Variants in F8 observed in about 807,000 individuals in gnomAD.
F8 encodes the protein antihemophilic factor.
Under a neutral mutation model 140.6 loss-of-function variants are expected in F8, and 12 were observed. That is an observed-to-expected ratio of 0.09 (90% confidence interval 0.05 to 0.14). F8 has a LOEUF of 0.14. Ranked by LOEUF, F8 falls within the 10% of genes least tolerant of loss-of-function variation. F8 has a pLI of 1.00. For missense variants in F8, 1,354 were observed against 1,720.7 expected (o/e 0.79, Z 3.77); for synonymous variants, 585 against 614.6 (o/e 0.95, Z 0.71).
chrX:154,962,726 C>T (rs180673284), intron 9 of F8, among the ~76,000 whole-genome samples: 2 of 110,767 alleles, frequency 1.8e-5, no homozygotes, highest in East Asian at 5.7e-4. Context: ...ATTAGCTAGG[C>T]GTGGTGGTGC....
chrX:154,912,124 A>G (rs1471666756), intron 14 of F8, among the ~76,000 whole-genome samples: 3 of 112,135 alleles, frequency 2.7e-5, no homozygotes, highest in Admixed American at 9.4e-5. Flanking sequence ...TATAGTTTGC[A>G]AATATTTCAT....
Position 154,984,269 on chromosome X carries a change from T to G in F8, c.787+418A>C, listed in dbSNP as rs781868660. On this transcript the variant is annotated intron_variant, in intron 6 of 25. Transcript: ENST00000360256. ...ACTGGAAGGCATCTTATTGTTACTT[T>G]ATTGATGCAGTATCTTCTTGAATCT... is the stretch of plus-strand genomic sequence containing the variant. Among the ~76,000 whole-genome samples, 8 of 112,057 alleles carry G rather than the reference T, an allele frequency of 7.1e-5. No homozygotes were observed. The South Asian group carries it at 3.0e-3, about 42-fold the overall frequency.
At chrX:154,932,450 T>C (rs2073203161) in intron 13 of F8, among the ~76,000 whole-genome samples, 1 of 111,876 alleles carries the variant, frequency 8.9e-6, no homozygotes, top group African/African-American at 3.3e-5. Context: ...GATACACCTT[T>C]ACCAAGCTAC....
rs1557278667 is a variant in F8, at chrX:154,930,444, A to G, written c.3346T>C (p.Phe1116Leu). 1.7e-6 allele frequency: 2 copies of G among 1,211,431 alleles called. No individual in the cohort carries two copies. The highest frequency in any genetic ancestry group is 2.2e-6 in the Non-Finnish European group (2 of 895,163). ...GATTCTGGCAAGAATAGCATCTTAA[A>G]GAACGACATATCTGGATTTTGTGCA... ...PDAQNPDMSF[F>L]KMLFLPESAR... The change falls in exon 14 of 26, where the codon TTT (phenylalanine) becomes CTT (leucine). Residue 1116 changes from phenylalanine to leucine, a missense_variant. Phe to Leu is a conservative substitution (Grantham distance 22). Transcript: ENST00000360256.
chrX:154,917,888 AG>A (rs2073106438), intron 14 of F8, among the ~76,000 whole-genome samples: 5 of 111,840 alleles, frequency 4.5e-5, no homozygotes, highest in African/African-American at 1.6e-4. Flanking sequence ...TATTGATTTG[AG>A]AGCTACAATT....
chrX:154,947,786 A>G lies in F8; in HGVS notation c.2025T>C (p.Tyr675=). ...TDFLSVFFSG[Y]TFKHKMVYED... is the part of the protein sequence containing the mutation. ...CATAGACCATTTTGTGTTTGAAGGT[A>G]TATCCAGAGAAGAAGACAGAAAGGA... The change falls in exon 13 of 26, where the codon TAT becomes TAC. Residue 675 remains tyrosine (Y), a synonymous_variant. Coordinates refer to ENST00000360256, the MANE Select transcript of F8 (RefSeq NM_000132.4). The G allele has an allele frequency of 8.3e-7, 1 of 1,209,506 alleles. No homozygotes were observed. The highest frequency in any genetic ancestry group is 1.1e-6 in the Non-Finnish European group (1 of 893,367).
intron 22 of F8, among the ~76,000 whole-genome samples, chrX:154,876,150 C>T (rs372409267): frequency 2.3e-4 from 22 of 94,731 alleles, no homozygotes; most frequent in South Asian, 1.6e-3. Flanking sequence ...GACGGAGTCT[C>T]GCTCTGTCGC....
chrX:154,922,817 G>T (rs1448287946), intron 14 of F8, among the ~76,000 whole-genome samples: 1 of 111,826 alleles, frequency 8.9e-6, no homozygotes, highest in Non-Finnish European at 1.9e-5. Flanking sequence ...CAGAGAGGTT[G>T]CAGAGGGTCA....
chrX:155,019,766 A>ACT (rs1557287332), intron 1 of F8, among the ~76,000 whole-genome samples: 3 of 110,992 alleles, frequency 2.7e-5, no homozygotes, highest in Non-Finnish European at 5.7e-5. Flanking sequence ...ACTGCACTCC[A>ACT]GCCTGGGTGA....
rs781786650 is a variant in F8 at position 154,957,148 on chromosome X, G to A, written c.1561C>T (p.Pro521Ser). The change falls in exon 11 of 26, where the codon CCA becomes TCA. Residue 521 changes from proline to serine, a missense_variant. Physicochemically the swap from Pro to Ser is moderately conservative, Grantham distance 74. Coordinates refer to ENST00000360256, the MANE Select transcript of F8 (RefSeq NM_000132.4). ...PKGVKHLKDF[P>S]ILPGEIFKYK... ...TTGAATATTTCTCCTGGCAGAATTG[G>A]AAAATCCTTCAAATGTTTTACACCT... 2 of 1,209,970 alleles carry A rather than the reference G, an allele frequency of 1.7e-6. No homozygotes were observed. The highest frequency in any genetic ancestry group is 2.2e-6 in the Non-Finnish European group (2 of 894,484).
At chrX:155,022,088 G>A (rs1445634873) in intron 1 of F8, among the ~76,000 whole-genome samples, 3 of 111,587 alleles carry the variant, frequency 2.7e-5, no homozygotes, top group Non-Finnish European at 3.8e-5. Flanking sequence ...ATGGAAGCTT[G>A]GGCAGGCAGA....
At chrX:154,980,400 T>C (rs782316327) in intron 6 of F8, among the ~76,000 whole-genome samples, 2 of 111,976 alleles carry the variant, frequency 1.8e-5, no homozygotes, top group Non-Finnish European at 3.8e-5. Flanking sequence ...AACTTCTGAA[T>C]TGTTTCTCTG....
At chrX:154,838,330 C>T (rs1277415511) in intron 25 of F8, among the ~76,000 whole-genome samples, 1 of 111,504 alleles carries the variant, frequency 9.0e-6, no homozygotes, top group African/African-American at 3.3e-5. Context: ...GAGCAAAGGT[C>T]ACCTATAACT....
In F8 at chrX:154,896,144, A is replaced by G. The variant is rs2072977768; in HGVS notation, c.6362T>C (p.Ile2121Thr). The G allele has an allele frequency of 8.3e-7, 1 of 1,209,701 alleles. No individual in the cohort carries two copies. Among genetic ancestry groups the G allele is most frequent in the Non-Finnish European group, 1.1e-6 (1 of 893,685 alleles). The change falls in exon 22 of 26, where the codon ATC becomes ACC. Residue 2121 changes from isoleucine (I) to threonine (T), a missense_variant. Physicochemically the swap from Ile to Thr is moderately conservative, Grantham distance 89 (BLOSUM62 -1). Transcript: ENST00000360256. ...KFSSLYISQFIIMYSLDGKKW... is the reference protein window; with the variant it reads ...KFSSLYISQFTIMYSLDGKKW... The stretch of plus-strand genomic sequence containing the variant: ...CTTCCCATCAAGACTATACATGATG[A>G]TAAACTGAGAGATGTAGAGGCTGGA...
intron 13 of F8, among the ~76,000 whole-genome samples, chrX:154,939,374 C>T (rs2073243710): frequency 1.8e-5 from 2 of 112,783 alleles, no homozygotes; most frequent in Admixed American, 9.3e-5. Context: ...TTATATCCTG[C>T]ACCTGGCTCA....
rs1283904825 is a variant in F8, at chrX:154,998,105, C to T, written c.266-1010G>A. ...TTTATGTGAGATCTCCCTTTTCTTG[C>T]ACTTTGGTTGATCCCAAATCTTTTC... is the stretch of plus-strand genomic sequence containing the variant. On this transcript the variant is annotated intron_variant, in intron 2 of 25. Coordinates refer to ENST00000360256, the MANE Select transcript of F8 (RefSeq NM_000132.4). 2.2e-4 allele frequency among the ~76,000 whole-genome samples: 25 copies of T among 112,619 alleles called. 1 individual carries two copies. Among genetic ancestry groups the T allele is most frequent in the Admixed American group, 2.2e-3 (23 of 10,680 alleles).
At chrX:154,982,644 TA>T (rs2073535506) in intron 6 of F8, among the ~76,000 whole-genome samples, 1 of 110,402 alleles carries the variant, frequency 9.1e-6, no homozygotes, top group South Asian at 3.8e-4. Flanking sequence ...TAAACAAACG[TA>T]AAGATCCAGT....
chrX:154,961,069 A>G lies in F8; in HGVS notation c.1537+6T>C. On this transcript the variant is annotated splice_donor_region_variant and intron_variant, in intron 10 of 25. Transcript: ENST00000360256. Reference sequence around the variant, plus strand: ...AAAAAGAGCTATAAATCGAGGGAATATTTACCTTTTGGTAATCTCCTTGAA... The same window carrying G: ...AAAAAGAGCTATAAATCGAGGGAATGTTTACCTTTTGGTAATCTCCTTGAA... 1 of 1,148,207 alleles carries G rather than the reference A, an allele frequency of 8.7e-7. No homozygotes were observed. The highest frequency in any genetic ancestry group is 1.2e-6 in the Non-Finnish European group (1 of 837,493). 94.6% of individuals were successfully genotyped at this position (1,148,207 alleles called of 1,213,427 possible). A position where few individuals can be genotyped will look rare whatever the true frequency, so the allele number is the denominator to read the frequency against.
chrX:154,879,205 A>G, intron 22 of F8, among the ~76,000 whole-genome samples: 1 of 112,218 alleles, frequency 8.9e-6, no homozygotes, highest in East Asian at 2.8e-4. Context: ...AAAAAATAAC[A>G]AAGCTGGATA....
Sources: gnomAD v4.1 joint callset for allele counts (sites outside exome capture counted in the v4.1 genomes callset) on GRCh38, gnomAD v4.1.1 for gene constraint, MANE v1.5 for transcripts, NCBI Gene and HGNC (gene_info 2026-07-23, HGNC 2026-07-21) for gene names.